Variants in INVS observed in about 807,000 individuals in gnomAD.
The protein encoded by INVS is inversin.
Under a neutral mutation model 108.8 loss-of-function variants are expected in INVS, and 86 were observed. The observed-to-expected ratio is 0.79, with a 90% CI of 0.66 to 0.95. The LOEUF (loss-of-function observed/expected upper bound fraction) is 0.95, where lower values mean the gene tolerates loss of function less well. INVS is among the 40% of genes least tolerant of loss of function. The probability of loss-of-function intolerance (pLI) is 0.00; values close to 1 mark genes in which losing one functional copy is unlikely to be tolerated. For synonymous variants in INVS, 455 were observed against 473.5 expected (o/e 0.96, Z 0.51); for missense variants, 1,169 against 1,297.4 (o/e 0.90, Z 1.52).
intron 3 of INVS, among the ~76,000 whole-genome samples, chr9:100,207,901 A>G (rs1830721857): frequency 1.3e-5 from 2 of 152,206 alleles, no homozygotes; most frequent in South Asian, 2.1e-4. Context: ...TTGGTCCACA[A>G]AGGGCTTGAG....
rs529897865 is a variant in INVS, at chr9:100,280,497, G to GA, written c.1785-3813dup. On this transcript the variant is annotated intron_variant, in intron 12 of 16. Transcript: ENST00000262457. Reference sequence around the variant, plus strand: ...CAATTTCTCTTCACATAGTAGGTAGGAAAAAAAAAAGAGAGTGAAAGGTGG... The same window carrying GA: ...CAATTTCTCTTCACATAGTAGGTAGGAAAAAAAAAAAGAGAGTGAAAGGTGG... Among the ~76,000 whole-genome samples, 320 of 147,172 alleles carry GA rather than the reference G, an allele frequency of 2.2e-3. 1 individual carries two copies. The highest frequency in any genetic ancestry group is 7.5e-3 in the African/African-American group (300 of 40,188).
At chr9:100,192,136 T>G (rs984745420) in intron 3 of INVS, among the ~76,000 whole-genome samples, 1 of 152,112 alleles carries the variant, frequency 6.6e-6, no homozygotes, top group African/African-American at 2.4e-5. Flanking sequence ...TAAGTTCCTG[T>G]GTTGCTTCTT....
intron 3 of INVS, among the ~76,000 whole-genome samples, chr9:100,173,993 T>C (rs1316586673): frequency 1.3e-5 from 2 of 152,244 alleles, no homozygotes; most frequent in Non-Finnish European, 2.9e-5. Context: ...ATGAATAGTC[T>C]TCAGCATAAC....
chr9:100,297,076 C>T lies in INVS; in HGVS notation c.2946C>T (p.Ala982=). Residue 982 remains alanine (A), a synonymous_variant, in exon 15 of 17, where the codon GCC becomes GCT. Coordinates refer to ENST00000262457, the MANE Select transcript of INVS (RefSeq NM_014425.5). ...CCCAAACCACTGCAGTAAGCAAGGC[C>T]CCCAAGAGTCCATCCAAGGGCACCT... ...KFPQTTAVSK[A]PKSPSKGTSG... 1 of 1,614,000 alleles carries T rather than the reference C, an allele frequency of 6.2e-7. No homozygotes were observed. The highest frequency in any genetic ancestry group is 2.2e-5 in the East Asian group (1 of 44,846).
Position 100,301,139 on chromosome 9 carries a change from TCACACACACACACACACACACACACA to T in INVS, c.*480_*505del, listed in dbSNP as rs10527613. Reference sequence around the variant, plus strand: ...CCTGGCATCTAATGCAACAAACTTATCACACACACACACACACACACACACACACACACACACACATATCACGTCCC... The same window carrying T: ...CCTGGCATCTAATGCAACAAACTTATCACACACACACACATATCACGTCCC... On this transcript the variant is annotated 3_prime_UTR_variant, in exon 17 of 17. Transcript: ENST00000262457. 1.2e-5 allele frequency: 2 copies of T among 167,484 alleles called. No homozygotes were observed. Among genetic ancestry groups the T allele is most frequent in the African/African-American group, 7.2e-5 (2 of 27,638 alleles). The allele number at this position is 167,484 out of a possible 1,614,324, so 10.4% of individuals were successfully genotyped here.
At chr9:100,162,916 G>A (rs1829235308) in intron 3 of INVS, among the ~76,000 whole-genome samples, 1 of 152,046 alleles carries the variant, frequency 6.6e-6, no homozygotes, top group Admixed American at 6.5e-5. Flanking sequence ...ACCAATATCA[G>A]GGTTCTGTTG....
chr9:100,156,198 G>A (rs866464014), intron 3 of INVS, among the ~76,000 whole-genome samples: 1 of 150,818 alleles, frequency 6.6e-6, no homozygotes, highest in Non-Finnish European at 1.5e-5. Context: ...AATTTGAGTA[G>A]CAAAAATACA....
At chr9:100,217,316 T>A (rs902646433) in intron 3 of INVS, among the ~76,000 whole-genome samples, 2 of 151,838 alleles carry the variant, frequency 1.3e-5, no homozygotes, top group African/African-American at 4.8e-5. Context: ...CTCAAAAAAA[T>A]AAAAGGAAGA....
At chr9:100,207,650 A>T (rs1338120) in intron 3 of INVS, among the ~76,000 whole-genome samples, 29,520 of 152,104 alleles carry the variant, frequency 0.19, 4,569 homozygotes, top group African/African-American at 0.44. Flanking sequence ...ATGTATACTT[A>T]GATGAAAACT....
intron 3 of INVS, among the ~76,000 whole-genome samples, chr9:100,153,718 G>A (rs77749394): frequency 0.035 from 5,295 of 152,262 alleles, 159 homozygotes; most frequent in Non-Finnish European, 0.048. Flanking sequence ...CAAGTTATCA[G>A]CATCTGCTGA....
chr9:100,184,582 A>G (rs1240036875), intron 3 of INVS, among the ~76,000 whole-genome samples: 2 of 152,226 alleles, frequency 1.3e-5, no homozygotes, highest in Non-Finnish European at 2.9e-5. Flanking sequence ...CTGTGCACCT[A>G]TAGTCTGTAT....
At chr9:100,175,414 TG>T in intron 3 of INVS, 1 of 897,684 alleles carries the variant, frequency 1.1e-6, no homozygotes, top group Non-Finnish European at 1.9e-6. Context: ...GACAAAGTCC[TG>T]GTCAAGAAAC....
At chr9:100,291,162 C>T (rs1014561010) in intron 13 of INVS, among the ~76,000 whole-genome samples, 6 of 152,038 alleles carry the variant, frequency 3.9e-5, no homozygotes, top group Non-Finnish European at 1.5e-5. Context: ...CTCCCGAGTT[C>T]AAGCGATTCT....
At chr9:100,223,970 G>T (rs1831225832) in intron 3 of INVS, among the ~76,000 whole-genome samples, 1 of 152,030 alleles carries the variant, frequency 6.6e-6, no homozygotes, top group African/African-American at 2.4e-5. Flanking sequence ...GCTTCCCTGG[G>T]CCACACTGGA....
intron 11 of INVS, among the ~76,000 whole-genome samples, chr9:100,270,788 G>A (rs1832930247): frequency 6.6e-6 from 1 of 150,580 alleles, no homozygotes; most frequent in Non-Finnish European, 1.5e-5. Flanking sequence ...CAGCCTTGGT[G>A]GTACATGCCC....
chr9:100,173,203 C>A (rs970490670), intron 3 of INVS, among the ~76,000 whole-genome samples: 1 of 152,000 alleles, frequency 6.6e-6, no homozygotes, highest in African/African-American at 2.4e-5. Context: ...AAACTCTGAA[C>A]AAAATATAAA....
At chr9:100,132,065 A>C (rs1193355659) in intron 3 of INVS, 1 of 165,816 alleles carries the variant, frequency 6.0e-6, no homozygotes. Flanking sequence ...ATATAGCTCT[A>C]CCATAACTCA....
intron 5 of INVS, among the ~76,000 whole-genome samples, chr9:100,237,366 C>T (rs543146317): frequency 1.3e-5 from 2 of 152,032 alleles, no homozygotes; most frequent in Non-Finnish European, 2.9e-5. Flanking sequence ...GTGGAGTGAA[C>T]GGTTTTGTTT....
At chr9:100,284,226 G>C in intron 12 of INVS, 94 bp from the exon 13 acceptor site, 5 of 1,413,940 alleles carry the variant, frequency 3.5e-6, no homozygotes, top group Non-Finnish European at 4.9e-6. Flanking sequence ...CTCCTGTGAT[G>C]TAGTAGCTCC....
Sources: gnomAD v4.1 joint callset for allele counts (sites outside exome capture counted in the v4.1 genomes callset) on GRCh38, gnomAD v4.1.1 for gene constraint, MANE v1.5 for transcripts, NCBI Gene and HGNC (gene_info 2026-07-23, HGNC 2026-07-21) for gene names.